The following SERINC5 variants were observed in gnomAD, a reference collection of about 807,000 sequenced individuals.
SERINC5 encodes chromosome 5 open reading frame 12.
A neutral mutation model predicts 63.1 loss-of-function variants in SERINC5; 41 were observed. That is an observed-to-expected ratio of 0.65 (90% CI 0.51 to 0.84). The LOEUF (loss-of-function observed/expected upper bound fraction) is 0.84. Ranked by LOEUF, SERINC5 falls within the 40% of genes least tolerant of loss-of-function variation. SERINC5 has a pLI of 0.00. For synonymous variants in SERINC5, 222 were observed against 215.2 expected, an observed-to-expected ratio of 1.03 and a Z score of -0.28; for missense variants, 523 against 573.0, an observed-to-expected ratio of 0.91 and a Z score of 0.89.
Position 80,167,836 on chromosome 5 carries a change from G to C in SERINC5, c.764-1358C>G, listed in dbSNP as rs570849548. Among the ~76,000 whole-genome samples, 20 of 152,182 alleles carry C rather than the reference G, an allele frequency of 1.3e-4. No homozygotes were observed. The South Asian group carries it at 4.1e-3, about 32-fold the overall frequency. On this transcript the variant is annotated intron_variant, in intron 6 of 11. Coordinates refer to ENST00000507668, the MANE Select transcript of SERINC5 (RefSeq NM_001174072.3). ...TCTCTTTCTTTCCTGCGAAATTTTC[G>C]ACCACTTGCCGACATAAAAGGATGC...
At chr5:80,194,306 CCT>C (rs10583017) in intron 2 of SERINC5, among the ~76,000 whole-genome samples, 6,417 of 152,148 alleles carry the variant, frequency 0.042, 459 homozygotes, top group African/African-American at 0.15. Context: ...TATGCCAGCC[CCT>C]GATGCAGGTC....
chr5:80,123,202 T>C (rs907611747), intron 11 of SERINC5, among the ~76,000 whole-genome samples: 1 of 152,172 alleles, frequency 6.6e-6, no homozygotes, highest in African/African-American at 2.4e-5. Context: ...CTCAAGCAGT[T>C]CTCCCACCTC....
chr5:80,147,383 TTCAAAA>T, intron 9 of SERINC5, 99 bp from the exon 10 acceptor site: 2 of 1,254,288 alleles, frequency 1.6e-6, no homozygotes, highest in African/African-American at 3.0e-5. Flanking sequence ...TCCCAGGCCC[TTCAAAA>T]GATGTGGACT....
intron 1 of SERINC5, among the ~76,000 whole-genome samples, chr5:80,216,664 T>G (rs1549127): frequency 0.66 from 100,009 of 152,026 alleles, 33,243 homozygotes; most frequent in African/African-American, 0.72. Context: ...CGGAGAAGTG[T>G]AGGAGACTGG....
At chr5:80,121,751 C>T (rs1431553711) in intron 11 of SERINC5, among the ~76,000 whole-genome samples, 2 of 152,212 alleles carry the variant, frequency 1.3e-5, no homozygotes, top group East Asian at 3.9e-4. Flanking sequence ...CAAGAAACTA[C>T]CAATCATGGC....
intron 1 of SERINC5, among the ~76,000 whole-genome samples, chr5:80,246,649 T>C (rs1227679426): frequency 6.6e-6 from 1 of 152,180 alleles, no homozygotes; most frequent in African/African-American, 2.4e-5. Flanking sequence ...CAAGGCAAAC[T>C]ACGGAAGAAA....
At chr5:80,151,844 C>A (rs951413861) in intron 8 of SERINC5, among the ~76,000 whole-genome samples, 1 of 152,058 alleles carries the variant, frequency 6.6e-6, no homozygotes, top group African/African-American at 2.4e-5. Flanking sequence ...CATGGGCGGG[C>A]GTGTTGGTGC....
chr5:80,195,977 C>G (rs1449937581), intron 2 of SERINC5, among the ~76,000 whole-genome samples: 1 of 152,182 alleles, frequency 6.6e-6, no homozygotes, highest in Non-Finnish European at 1.5e-5. Flanking sequence ...CTGGGAACAT[C>G]TGGGAACTAC....
chr5:80,190,176 A>G (rs1039441005), intron 2 of SERINC5, among the ~76,000 whole-genome samples: 1 of 145,802 alleles, frequency 6.9e-6, no homozygotes, highest in Non-Finnish European at 1.5e-5. Context: ...CAATGGCACA[A>G]TCTCGGCTCA....
intron 10 of SERINC5, 117 bp downstream of exon 10, chr5:80,147,128 A>C (rs572535346): frequency 1.1e-6 from 1 of 922,976 alleles, no homozygotes; most frequent in African/African-American, 1.7e-5. Context: ...TCAGCTTTAG[A>C]ATAAAACTTT....
At chr5:80,170,627 T>C (rs564599407) in intron 5 of SERINC5, among the ~76,000 whole-genome samples, 1 of 152,296 alleles carries the variant, frequency 6.6e-6, no homozygotes, top group African/African-American at 2.4e-5. Context: ...TGAACCACCG[T>C]GGGTCAGTTT....
In SERINC5 at chr5:80,141,519, G is replaced by C; in HGVS notation, c.*2144C>G. On this transcript the variant is annotated 3_prime_UTR_variant, in exon 12 of 12. Transcript: ENST00000507668. ...ACCCAGCCGAGAGGACAAAGCAAGGGCTCTGCTAGACCTCAGCAGGAGGAA... is the reference window on the plus strand; with the variant it reads ...ACCCAGCCGAGAGGACAAAGCAAGGCCTCTGCTAGACCTCAGCAGGAGGAA... The C allele has an allele frequency of 1.0e-6, 1 of 985,512 alleles. No homozygotes were observed. Among genetic ancestry groups the C allele is most frequent in the Non-Finnish European group, 1.2e-6 (1 of 830,026 alleles). 61.0% of individuals were successfully genotyped at this position (985,512 alleles called of 1,614,324 possible). A position where few individuals can be genotyped will look rare whatever the true frequency, so the allele number is the denominator to read the frequency against.
At chr5:80,182,559 G>A (rs1221789649) in intron 2 of SERINC5, among the ~76,000 whole-genome samples, 3 of 71,302 alleles carry the variant, frequency 4.2e-5, no homozygotes, top group African/African-American at 5.9e-5. Context: ...CCCCCCCTCC[G>A]CTTTTTTTTA....
chr5:80,212,669 G>GGGGT (rs1750489600), intron 1 of SERINC5, among the ~76,000 whole-genome samples: 1 of 139,552 alleles, frequency 7.2e-6, no homozygotes, highest in Non-Finnish European at 1.6e-5. Flanking sequence ...GTGGGGTGGG[G>GGGGT]GGGGGGTGTT....
chr5:80,154,799 T>C (rs999458047), intron 8 of SERINC5, among the ~76,000 whole-genome samples: 1 of 152,194 alleles, frequency 6.6e-6, no homozygotes, highest in South Asian at 2.1e-4. Context: ...TTTTCAAAGA[T>C]GGTTCAATAT....
intron 1 of SERINC5, among the ~76,000 whole-genome samples, chr5:80,213,143 G>A (rs192361987): frequency 6.6e-6 from 1 of 151,642 alleles, no homozygotes; most frequent in Non-Finnish European, 1.5e-5. Context: ...CTACTCAGGA[G>A]GCTGAGGCAG....
intron 11 of SERINC5, among the ~76,000 whole-genome samples, chr5:80,126,277 G>A (rs1035605598): frequency 2.0e-5 from 3 of 152,158 alleles, no homozygotes; most frequent in African/African-American, 7.2e-5. Context: ...AGAAGCAAAC[G>A]AAGAGTCAAT....
chr5:80,121,586 T>C (rs140567261), intron 11 of SERINC5, among the ~76,000 whole-genome samples: 31 of 152,228 alleles, frequency 2.0e-4, no homozygotes, highest in Admixed American at 2.6e-4. Context: ...GGGATCTATT[T>C]TACAACTAAC....
At chr5:80,252,489 C>T (rs1390841729) in intron 1 of SERINC5, among the ~76,000 whole-genome samples, 1 of 152,076 alleles carries the variant, frequency 6.6e-6, no homozygotes, top group Non-Finnish European at 1.5e-5. Flanking sequence ...AACTTTGAAC[C>T]CATAAAGTGT....
Sources: gnomAD v4.1 joint callset for allele counts (sites outside exome capture counted in the v4.1 genomes callset) on GRCh38, gnomAD v4.1.1 for gene constraint, MANE v1.5 for transcripts, NCBI Gene and HGNC (gene_info 2026-07-23, HGNC 2026-07-21) for gene names.